Variants in ACKR2 observed in about 807,000 individuals in gnomAD.
ACKR2 encodes the protein atypical chemokine receptor 2.
For synonymous variants in ACKR2, 207 were observed against 192.2 expected, an observed-to-expected ratio of 1.08 and a Z score of -0.64; for missense variants, 457 against 477.3, an observed-to-expected ratio of 0.96 and a Z score of 0.40.
intron 1 of ACKR2, among the ~76,000 whole-genome samples, chr3:42,816,499 G>A (rs982264451): frequency 6.6e-6 from 1 of 151,552 alleles, no homozygotes; most frequent in Non-Finnish European, 1.5e-5. Flanking sequence ...TTTTAGTCTT[G>A]AATTGACTTT....
At chr3:42,864,394 C>T in intron 2 of ACKR2, 72 bp from the exon 3 acceptor site, 1 of 1,390,754 alleles carries the variant, frequency 7.2e-7, no homozygotes, top group Non-Finnish European at 9.6e-7. Context: ...ATTGGACATC[C>T]CAGGGCAGCA....
At chr3:42,817,954 T>C (rs1700770539) in intron 1 of ACKR2, among the ~76,000 whole-genome samples, 1 of 152,208 alleles carries the variant, frequency 6.6e-6, no homozygotes, top group Non-Finnish European at 1.5e-5. Flanking sequence ...CCTTAAATAT[T>C]GGTGTGCTCT....
chr3:42,843,615 T>C (rs1297878481), intron 2 of ACKR2, among the ~76,000 whole-genome samples: 2 of 152,216 alleles, frequency 1.3e-5, no homozygotes, highest in Non-Finnish European at 2.9e-5. Flanking sequence ...GTCTCCATAC[T>C]CTGTGAGCCA....
intron 2 of ACKR2, among the ~76,000 whole-genome samples, chr3:42,825,280 G>T (rs755174911): frequency 6.6e-6 from 1 of 152,120 alleles, no homozygotes; most frequent in Non-Finnish European, 1.5e-5. Flanking sequence ...TGTTGAATCT[G>T]TAGATCAATG....
intron 2 of ACKR2, among the ~76,000 whole-genome samples, chr3:42,829,901 T>C (rs986990220): frequency 1.3e-5 from 2 of 152,182 alleles, no homozygotes; most frequent in African/African-American, 4.8e-5. Flanking sequence ...GGGCAGCAGG[T>C]CATCCTACAT....
intron 2 of ACKR2, among the ~76,000 whole-genome samples, chr3:42,860,100 G>A (rs778320672): frequency 1.3e-4 from 16 of 127,860 alleles, no homozygotes; most frequent in African/African-American, 3.2e-4. Flanking sequence ...CTCATCTCAC[G>A]TCCAAAGACA....
intron 2 of ACKR2, among the ~76,000 whole-genome samples, chr3:42,860,018 C>T (rs987273363): frequency 1.3e-5 from 2 of 151,654 alleles, no homozygotes; most frequent in Admixed American, 6.6e-5. Flanking sequence ...AGGTTAAATG[C>T]CCCAATTAAA....
At chr3:42,815,260 A>T (rs377397410) in intron 1 of ACKR2, among the ~76,000 whole-genome samples, 2 of 152,226 alleles carry the variant, frequency 1.3e-5, no homozygotes. Flanking sequence ...AACCCATTAC[A>T]TACTGTGTAT....
intron 2 of ACKR2, among the ~76,000 whole-genome samples, chr3:42,843,723 T>A (rs555595207): frequency 2.6e-5 from 4 of 152,268 alleles, no homozygotes; most frequent in African/African-American, 7.2e-5. Context: ...CTGAGCCTAT[T>A]TATATGCCCA....
At chr3:42,812,532 C>T (rs1255523395) in intron 1 of ACKR2, among the ~76,000 whole-genome samples, 3 of 152,054 alleles carry the variant, frequency 2.0e-5, no homozygotes, top group African/African-American at 4.8e-5. Context: ...CACTTACAGG[C>T]AGAATCTGAA....
chr3:42,832,832 T>C (rs1318726881), intron 2 of ACKR2, among the ~76,000 whole-genome samples: 1 of 152,166 alleles, frequency 6.6e-6, no homozygotes, highest in Non-Finnish European at 1.5e-5. Flanking sequence ...TAGCTGGGAC[T>C]ACAGGCACAT....
chr3:42,836,753 C>G (rs1271287348), intron 2 of ACKR2, among the ~76,000 whole-genome samples: 2 of 152,180 alleles, frequency 1.3e-5, no homozygotes, highest in East Asian at 3.9e-4. Flanking sequence ...TCAAGATGGA[C>G]TGAGTGAAGA....
At chr3:42,843,853 C>T (rs952002298) in intron 2 of ACKR2, 10 of 152,272 alleles carry the variant, frequency 6.6e-5, no homozygotes, top group African/African-American at 2.2e-4. Context: ...GCTTCTGCTT[C>T]CAAACATTCC....
At chr3:42,848,747 A>G (rs1169147105) in intron 2 of ACKR2, among the ~76,000 whole-genome samples, 1 of 152,230 alleles carries the variant, frequency 6.6e-6, no homozygotes, top group African/African-American at 2.4e-5. Context: ...TAGTAATTTC[A>G]CAGTGGAAGA....
chr3:42,811,881 G>T (rs1700699349), intron 1 of ACKR2, among the ~76,000 whole-genome samples: 1 of 152,188 alleles, frequency 6.6e-6, no homozygotes, highest in Admixed American at 6.5e-5. Context: ...TCCGGGCACA[G>T]TACCTTCCCT....
chr3:42,848,035 A>C (rs1379969760), intron 2 of ACKR2, among the ~76,000 whole-genome samples: 1 of 151,974 alleles, frequency 6.6e-6, no homozygotes, highest in Non-Finnish European at 1.5e-5. Context: ...GCCGTGGGCC[A>C]CATCTCATTA....
intron 1 of ACKR2, among the ~76,000 whole-genome samples, chr3:42,818,747 C>T (rs994472289): frequency 9.9e-5 from 15 of 152,076 alleles, no homozygotes; most frequent in East Asian, 9.7e-4. Flanking sequence ...TTTTTAGTAG[C>T]GACAAGGTTT....
chr3:42,835,941 G>C (rs4683342), intron 2 of ACKR2: 41,030 of 151,956 alleles, frequency 0.27, 7,180 homozygotes, highest in East Asian at 0.6. Context: ...GTTGGGTGAA[G>C]GAGCATCATA....
At chr3:42,811,388 T>A in intron 1 of ACKR2, among the ~76,000 whole-genome samples, 1 of 152,304 alleles carries the variant, frequency 6.6e-6, no homozygotes, top group Admixed American at 6.5e-5. Flanking sequence ...CTGTGCAGGG[T>A]GTGCCTTGTT....
Sources: allele counts gnomAD v4.1 joint callset (sites outside exome capture counted in the v4.1 genomes callset), GRCh38; gene constraint gnomAD v4.1.1; transcripts MANE v1.5; gene names NCBI Gene and HGNC (gene_info 2026-07-23, HGNC 2026-07-21).